Variants in TACC2 observed in about 807,000 individuals in gnomAD.
The protein encoded by TACC2 is transforming acidic coiled-coil containing protein 2.
A neutral mutation model predicts 227.3 loss-of-function variants in TACC2; 137 were observed. That is an observed-to-expected ratio of 0.60 (90% CI 0.52 to 0.69). The LOEUF is 0.69. TACC2 is among the 30% of genes least tolerant of loss of function. The probability of loss-of-function intolerance (pLI) is 0.00; values close to 1 mark genes in which losing one functional copy is unlikely to be tolerated. For missense variants in TACC2, 3,470 were observed against 3,694.4 expected, an observed-to-expected ratio of 0.94 and a Z score of 1.57; for synonymous variants, 1,523 against 1,487.5, an observed-to-expected ratio of 1.02 and a Z score of -0.55.
intron 7 of TACC2, among the ~76,000 whole-genome samples, chr10:122,151,396 C>A (rs2092022036): frequency 6.6e-6 from 1 of 151,950 alleles, no homozygotes; most frequent in Non-Finnish European, 1.5e-5. Flanking sequence ...GAAGAGGAAC[C>A]AAATGTGCCA....
intron 7 of TACC2, among the ~76,000 whole-genome samples, chr10:122,190,185 A>G (rs977007857): frequency 6.6e-6 from 1 of 152,218 alleles, no homozygotes. Context: ...CTGATCTTAA[A>G]CTATTTTGTT....
chr10:122,081,854 G>A (rs892974512), intron 3 of TACC2, among the ~76,000 whole-genome samples: 1 of 152,180 alleles, frequency 6.6e-6, no homozygotes, highest in Non-Finnish European at 1.5e-5. Flanking sequence ...CCTGTTAAAT[G>A]TGAAGAATCA....
intron 11 of TACC2, among the ~76,000 whole-genome samples, chr10:122,217,132 T>A (rs955758032): frequency 3.3e-5 from 5 of 152,080 alleles, no homozygotes; most frequent in African/African-American, 1.2e-4. Context: ...ATGGCTTATG[T>A]CCCCTCTGTG....
intron 6 of TACC2, among the ~76,000 whole-genome samples, chr10:122,136,545 G>GTGTATATATATATATATATATA (rs1555066884): frequency 1.8e-5 from 1 of 54,958 alleles, no homozygotes; most frequent in African/African-American, 4.9e-5. Flanking sequence ...GTGTGTGTGT[G>GTGTATATATATATATATATATA]TATATATATA....
At chr10:122,005,288 T>C (rs1954931037) in intron 1 of TACC2, among the ~76,000 whole-genome samples, 1 of 151,974 alleles carries the variant, frequency 6.6e-6, no homozygotes, top group South Asian at 2.1e-4. Context: ...GTCACCAGTT[T>C]ACCCAGGCTG....
intron 7 of TACC2, among the ~76,000 whole-genome samples, chr10:122,174,905 T>C (rs1169411719): frequency 1.3e-5 from 2 of 152,220 alleles, no homozygotes; most frequent in Non-Finnish European, 2.9e-5. Context: ...TCTGCTTCTA[T>C]GAATTTGGCT....
chr10:122,091,564 TTGGTTGAGGGTTTC>T (rs2080823386), intron 5 of TACC2, among the ~76,000 whole-genome samples: 1 of 152,120 alleles, frequency 6.6e-6, no homozygotes, highest in Non-Finnish European at 1.5e-5. Flanking sequence ...CTTCCTAACA[TTGGTTGAGGGTTTC>T]TGGAAAAAAT....
At chr10:121,992,552 A>G (rs565578691) in intron 1 of TACC2, among the ~76,000 whole-genome samples, 1 of 152,336 alleles carries the variant, frequency 6.6e-6, no homozygotes, top group Admixed American at 6.5e-5. Flanking sequence ...ATCATGATTA[A>G]GTCATGCTGG....
At chr10:122,153,477 T>G (rs1321951200) in intron 7 of TACC2, among the ~76,000 whole-genome samples, 1 of 152,214 alleles carries the variant, frequency 6.6e-6, no homozygotes, top group Admixed American at 6.5e-5. Flanking sequence ...TGTGGACTCC[T>G]CCAGGAAGCC....
chr10:122,077,025 G>A (rs561324799), intron 3 of TACC2, among the ~76,000 whole-genome samples: 3 of 149,028 alleles, frequency 2.0e-5, no homozygotes, highest in Admixed American at 6.8e-5. Flanking sequence ...TGAGACACGA[G>A]AATTGCCTGA....
chr10:122,028,089 T>TTTC (rs1958318907), intron 2 of TACC2, among the ~76,000 whole-genome samples: 1 of 119,460 alleles, frequency 8.4e-6, no homozygotes. Context: ...TCTTTCTTTT[T>TTTC]TTTTTTTTTT....
In TACC2 at chr10:122,199,881, AC is replaced by A. The variant is rs979026417; in HGVS notation, c.5971+4706del. Among the ~76,000 whole-genome samples, 10 of 152,322 alleles carry A rather than the reference AC, an allele frequency of 6.6e-5. No homozygotes were observed. The East Asian group carries it at 9.7e-4, about 15-fold the overall frequency. ...GTGTCCTGACATGGTGAAAGGACAC[AC>A]AGTCTTCCTCAGTCCTCTTTCGTAA... On this transcript the variant is annotated intron_variant, in intron 8 of 22. Coordinates refer to ENST00000369005, the MANE Select transcript of TACC2 (RefSeq NM_206862.4).
intron 11 of TACC2, 87 bp from the exon 12 acceptor site, chr10:122,224,639 G>A: frequency 8.3e-7 from 1 of 1,200,936 alleles, no homozygotes; most frequent in Non-Finnish European, 1.2e-6. Flanking sequence ...CTCCCACCCT[G>A]CCTGGCTCAG....
At chr10:122,081,743 G>A (rs974344623) in intron 3 of TACC2, among the ~76,000 whole-genome samples, 1 of 152,114 alleles carries the variant, frequency 6.6e-6, no homozygotes, top group African/African-American at 2.4e-5. Context: ...ACAAATATGG[G>A]TATGAAGGTG....
At chr10:122,152,032 C>G (rs1341538806) in intron 7 of TACC2, among the ~76,000 whole-genome samples, 2 of 152,158 alleles carry the variant, frequency 1.3e-5, no homozygotes, top group Non-Finnish European at 1.5e-5. Flanking sequence ...CCCTTACTGC[C>G]CAAGGCTGGG....
intron 5 of TACC2, among the ~76,000 whole-genome samples, chr10:122,101,157 G>C (rs2082093158): frequency 6.7e-6 from 1 of 149,742 alleles, no homozygotes; most frequent in South Asian, 2.2e-4. Context: ...GTTCAAATCT[G>C]CTGCTTATTC....
At chr10:122,042,240 T>TG (rs2074383871) in intron 2 of TACC2, among the ~76,000 whole-genome samples, 1 of 151,384 alleles carries the variant, frequency 6.6e-6, no homozygotes. Context: ...CCACTGCACA[T>TG]GGCCTTTTCT....
At chr10:122,231,836 A>C (rs2095756335) in intron 16 of TACC2, among the ~76,000 whole-genome samples, 1 of 152,132 alleles carries the variant, frequency 6.6e-6, no homozygotes, top group Non-Finnish European at 1.5e-5. Context: ...GCGAGACCCT[A>C]TCTTTTAATT....
chr10:121,997,382 G>C (rs1189118273), intron 1 of TACC2, among the ~76,000 whole-genome samples: 1 of 152,130 alleles, frequency 6.6e-6, no homozygotes, highest in Non-Finnish European at 1.5e-5. Context: ...CTCTACCACT[G>C]GTCCTGGCCA....
Sources: allele counts gnomAD v4.1 joint callset (sites outside exome capture counted in the v4.1 genomes callset), GRCh38; gene constraint gnomAD v4.1.1; transcripts MANE v1.5; gene names NCBI Gene and HGNC (gene_info 2026-07-23, HGNC 2026-07-21).